MALRD1: variants seen among roughly 807,000 people sequenced by gnomAD.
MALRD1 encodes the protein MAM and LDL-receptor class A domain-containing protein 1.
A neutral mutation model predicts 242.1 loss-of-function variants in MALRD1; 247 were observed. The observed-to-expected ratio is 1.02, with a 90% CI of 0.92 to 1.13. MALRD1 has a LOEUF of 1.13. Among genes scored for constraint, MALRD1 ranks in the 50% most tolerant of loss-of-function variants. The pLI is 0.00. For synonymous variants in MALRD1, 995 were observed against 866.6 expected (o/e 1.15, Z -2.60); for missense variants, 2,989 against 2,533.1 (o/e 1.18, Z -3.86).
chr10:19,164,844 G>A (rs1834602984), intron 12 of MALRD1, among the ~76,000 whole-genome samples: 1 of 151,908 alleles, frequency 6.6e-6, no homozygotes, highest in African/African-American at 2.4e-5. Context: ...TGTCATTATT[G>A]ATGGTGAATA....
chr10:19,290,968 G>A (rs1841392780), intron 21 of MALRD1, among the ~76,000 whole-genome samples: 1 of 152,080 alleles, frequency 6.6e-6, no homozygotes, highest in South Asian at 2.1e-4. Flanking sequence ...TCTATAGTAT[G>A]TAAACTGGCT....
At chr10:19,169,961 T>C (rs1355032326) in intron 13 of MALRD1, among the ~76,000 whole-genome samples, 2 of 152,204 alleles carry the variant, frequency 1.3e-5, no homozygotes, top group Non-Finnish European at 2.9e-5. Flanking sequence ...GTGACCTCTG[T>C]GTTCCCTTTT....
chr10:19,178,657 T>C (rs1835363863), intron 14 of MALRD1, among the ~76,000 whole-genome samples: 1 of 152,224 alleles, frequency 6.6e-6, no homozygotes, highest in South Asian at 2.1e-4. Flanking sequence ...AAGCTAGTGT[T>C]GATGAAATAA....
intron 28 of MALRD1, among the ~76,000 whole-genome samples, chr10:19,447,953 A>T (rs1332846322): frequency 6.6e-6 from 1 of 152,172 alleles, no homozygotes; most frequent in Non-Finnish European, 1.5e-5. Flanking sequence ...TTGTTTTGTC[A>T]AGGATGTTAA....
At chr10:19,700,037 C>T (rs941057704) in intron 38 of MALRD1, among the ~76,000 whole-genome samples, 6 of 151,562 alleles carry the variant, frequency 4.0e-5, no homozygotes, top group East Asian at 3.9e-4. Flanking sequence ...CACACACACA[C>T]ACACACACAC....
intron 36 of MALRD1, among the ~76,000 whole-genome samples, chr10:19,652,827 G>A (rs925189992): frequency 6.6e-6 from 1 of 152,158 alleles, no homozygotes; most frequent in Non-Finnish European, 1.5e-5. Flanking sequence ...AGATCATATA[G>A]CTTGTAAGTT....
chr10:19,184,114 C>A (rs1287404373), intron 14 of MALRD1, among the ~76,000 whole-genome samples: 1 of 152,160 alleles, frequency 6.6e-6, no homozygotes, highest in Non-Finnish European at 1.5e-5. Flanking sequence ...TTTGCCTGGA[C>A]ATAGCGAAAT....
chr10:19,161,002 G>C (rs1321377687), intron 12 of MALRD1, among the ~76,000 whole-genome samples: 2 of 151,510 alleles, frequency 1.3e-5, no homozygotes, highest in Non-Finnish European at 2.9e-5. Flanking sequence ...CCCATTACTG[G>C]GTATATACCC....
intron 32 of MALRD1, among the ~76,000 whole-genome samples, chr10:19,547,821 T>G: frequency 2.8e-5 from 1 of 36,348 alleles, no homozygotes; most frequent in South Asian, 1.2e-3. Context: ...TATATATATT[T>G]TTTTTTTTTT....
chr10:19,661,606 A>G (rs938736819), intron 36 of MALRD1, among the ~76,000 whole-genome samples: 5 of 152,114 alleles, frequency 3.3e-5, no homozygotes, highest in Admixed American at 6.6e-5. Flanking sequence ...GGACACAGGA[A>G]GGGAAGCATC....
In MALRD1 at chr10:19,266,526, T is replaced by C. The variant is rs560675809; in HGVS notation, c.3079+8755T>C. On this transcript the variant is annotated intron_variant, in intron 19 of 39. Coordinates refer to ENST00000454679, the MANE Select transcript of MALRD1 (RefSeq NM_001142308.3). ...CCCACCCCAACATTTATGTTTTTAATTTCACAATTTACATCTTTTTATATT... is the reference window on the plus strand; with the variant it reads ...CCCACCCCAACATTTATGTTTTTAACTTCACAATTTACATCTTTTTATATT... 1.2e-3 allele frequency among the ~76,000 whole-genome samples: 184 copies of C among 152,002 alleles called. 1 individual carries two copies. The highest frequency in any genetic ancestry group is 3.4e-3 in the Middle Eastern group (1 of 294).
chr10:19,614,628 C>T (rs1444317313), intron 35 of MALRD1, among the ~76,000 whole-genome samples: 3 of 151,966 alleles, frequency 2.0e-5, no homozygotes, highest in Non-Finnish European at 2.9e-5. Flanking sequence ...ATGAACACAA[C>T]ATCAGGAGCT....
At chr10:19,420,497 C>T (rs1046863578) in intron 28 of MALRD1, among the ~76,000 whole-genome samples, 4 of 152,066 alleles carry the variant, frequency 2.6e-5, no homozygotes, top group African/African-American at 9.7e-5. Context: ...CTATTCCCTA[C>T]ATCTAATATG....
chr10:19,113,544 A>T (rs1836757524), intron 5 of MALRD1, among the ~76,000 whole-genome samples: 1 of 139,538 alleles, frequency 7.2e-6, no homozygotes. Context: ...CTCCTCCTAC[A>T]TTTCTCCTCC....
chr10:19,295,044 C>T (rs998185624), intron 21 of MALRD1, among the ~76,000 whole-genome samples: 4 of 151,668 alleles, frequency 2.6e-5, no homozygotes, highest in Admixed American at 6.6e-5. Flanking sequence ...AGTGAATGTA[C>T]CAAAATTTAC....
intron 26 of MALRD1, among the ~76,000 whole-genome samples, chr10:19,380,028 G>C (rs1845771630): frequency 6.9e-6 from 1 of 145,428 alleles, no homozygotes; most frequent in Admixed American, 6.9e-5. Flanking sequence ...AGGCTGGAGT[G>C]CAGTGGCAGG....
intron 14 of MALRD1, among the ~76,000 whole-genome samples, chr10:19,185,814 AGTGTGTGTGT>A (rs5783657): frequency 6.7e-6 from 1 of 148,286 alleles, no homozygotes; most frequent in South Asian, 2.2e-4. Context: ...GTTTTGAGAT[AGTGTGTGTGT>A]GTGTGTGTGT....
chr10:19,392,836 AGTTT>A (rs1166514010), intron 28 of MALRD1, among the ~76,000 whole-genome samples: 1 of 152,214 alleles, frequency 6.6e-6, no homozygotes, highest in East Asian at 1.9e-4. Context: ...TTTTAAATAC[AGTTT>A]GTTTGGTATG....
At chr10:19,712,783 T>C (rs774803288) in intron 38 of MALRD1, among the ~76,000 whole-genome samples, 1 of 152,112 alleles carries the variant, frequency 6.6e-6, no homozygotes, top group African/African-American at 2.4e-5. Context: ...CTCGGAGATA[T>C]CACATTCATA....
Sources: gnomAD v4.1 joint callset for allele counts (sites outside exome capture counted in the v4.1 genomes callset) on GRCh38, gnomAD v4.1.1 for gene constraint, MANE v1.5 for transcripts, NCBI Gene and HGNC (gene_info 2026-07-23, HGNC 2026-07-21) for gene names.